Variants in SLC2A9 observed in about 807,000 individuals in gnomAD.
SLC2A9 encodes the protein solute carrier family 2 member 9, also known as solute carrier family 2, facilitated glucose transporter member 9.
SLC2A9 carries 39 observed loss-of-function variants against 50.6 expected under a neutral mutation model. That is an observed-to-expected ratio of 0.77 (90% CI 0.60 to 1.01). SLC2A9 has a LOEUF of 1.01. Ranked by LOEUF, SLC2A9 falls within the 50% of genes least tolerant of loss-of-function variation. SLC2A9 has a pLI of 0.00. For missense variants in SLC2A9, 686 were observed against 677.6 expected, an observed-to-expected ratio of 1.01 and a Z score of -0.14; for synonymous variants, 324 against 276.9, an observed-to-expected ratio of 1.17 and a Z score of -1.69.
intron 5 of SLC2A9, among the ~76,000 whole-genome samples, chr4:9,967,606 T>C (rs1218049598): frequency 6.6e-6 from 1 of 151,892 alleles, no homozygotes; most frequent in Admixed American, 6.5e-5. Context: ...ATTAAAAGGT[T>C]ATTAAAAGTT....
intron 5 of SLC2A9, among the ~76,000 whole-genome samples, chr4:9,946,428 A>G (rs574305354): frequency 6.6e-6 from 1 of 152,282 alleles, no homozygotes; most frequent in South Asian, 2.1e-4. Flanking sequence ...AAGTTCTTAT[A>G]AAGGATGTTC....
At chr4:9,809,671 C>A (rs1722620112) in intron 3 of SLC2A9, among the ~76,000 whole-genome samples, 1 of 152,154 alleles carries the variant, frequency 6.6e-6, no homozygotes, top group Non-Finnish European at 1.5e-5. Flanking sequence ...AGTTTCCTCA[C>A]TGGTTAAATA....
At chr4:10,002,012 AAGACATGGGG>A (rs1249956304) in intron 2 of SLC2A9, among the ~76,000 whole-genome samples, 1 of 152,236 alleles carries the variant, frequency 6.6e-6, no homozygotes, top group African/African-American at 2.4e-5. Context: ...TACTGGGGCT[AAGACATGGGG>A]CTGAGGAGGA....
At chr4:9,873,687 C>G (rs192118355) in intron 10 of SLC2A9, among the ~76,000 whole-genome samples, 26 of 152,258 alleles carry the variant, frequency 1.7e-4, no homozygotes, top group African/African-American at 6.3e-4. Context: ...AGATGACCTG[C>G]CAGCTGGATG....
chr4:9,783,168 C>A, intron 3 of SLC2A9: 1 of 1,614,232 alleles, frequency 6.2e-7, no homozygotes, highest in East Asian at 2.2e-5. Flanking sequence ...CACTTCTGCT[C>A]CCGCACGCCG....
chr4:9,792,163 CTTTTTTT>C (rs34289788), intron 3 of SLC2A9, among the ~76,000 whole-genome samples: 22 of 77,224 alleles, frequency 2.8e-4, no homozygotes, highest in Admixed American at 1.1e-3. Flanking sequence ...TTCTATGTTT[CTTTTTTT>C]TTTTTTTTTT....
intron 10 of SLC2A9, among the ~76,000 whole-genome samples, chr4:9,886,868 G>A (rs1164482555): frequency 6.6e-6 from 1 of 152,212 alleles, no homozygotes; most frequent in East Asian, 1.9e-4. Flanking sequence ...CAGTTGCATT[G>A]CATCCTTGTC....
At chr4:9,782,468 C>G (rs1269222427) in intron 3 of SLC2A9, 31 of 1,613,964 alleles carry the variant, frequency 1.9e-5, no homozygotes, top group Non-Finnish European at 2.4e-5. Flanking sequence ...CAGGCCCTTC[C>G]GCTACAAGCG....
chr4:9,862,946 A>G (rs1325219523), intron 10 of SLC2A9, among the ~76,000 whole-genome samples: 2 of 152,046 alleles, frequency 1.3e-5, no homozygotes, highest in Non-Finnish European at 2.9e-5. Flanking sequence ...GCTCTTGCCT[A>G]TCAACCTTGC....
chr4:9,834,848 C>A lies in SLC2A9; in HGVS notation c.1419+33G>T, dbSNP rs368113608. On this transcript the variant is annotated intron_variant, in intron 11 of 11. Transcript: ENST00000264784. ...TCAAGTGCTGCAGAATCAAAGGGAA[C>A]CCCATGGGCAAAAGACTCCTTGTCA... 9 of 1,614,018 alleles carry A rather than the reference C, an allele frequency of 5.6e-6. No individual in the cohort carries two copies. In the African/African-American group the frequency reaches 9.3e-5, roughly 17 times the overall value.
intron 3 of SLC2A9, chr4:9,783,133 G>C: frequency 6.2e-7 from 1 of 1,614,224 alleles, no homozygotes; most frequent in Non-Finnish European, 8.5e-7. Context: ...TTCAGAAGGT[G>C]TTTGCCCAGC....
intron 6 of SLC2A9, among the ~76,000 whole-genome samples, chr4:9,938,498 C>A (rs915145877): frequency 6.6e-6 from 1 of 152,078 alleles, no homozygotes; most frequent in Admixed American, 6.6e-5. Flanking sequence ...GTCTCGATCT[C>A]CTGACCTCAT....
At chr4:9,931,915 T>A (rs1322702954) in intron 6 of SLC2A9, among the ~76,000 whole-genome samples, 1 of 13,102 alleles carries the variant, frequency 7.6e-5, no homozygotes, top group Admixed American at 1.1e-3. Context: ...TGAGAATGAC[T>A]CTCTCTCTCT....
chr4:9,919,062 AG>A lies in SLC2A9; in HGVS notation c.1002+1322del, dbSNP rs1560302736. Reference sequence around the variant, plus strand: ...ATTCTGTTTAGAACTGATGGTTCTCAGTGTAAATGCCTCATTCACTACAGGT... The same window carrying A: ...ATTCTGTTTAGAACTGATGGTTCTCATGTAAATGCCTCATTCACTACAGGT... On this transcript the variant is annotated intron_variant, in intron 7 of 11. Coordinates refer to ENST00000264784, the MANE Select transcript of SLC2A9 (RefSeq NM_020041.3). Among the ~76,000 whole-genome samples the A allele has an allele frequency of 2.6e-5, 4 of 152,314 alleles. No homozygotes were observed. In the East Asian group the frequency reaches 7.7e-4, roughly 29 times the overall value.
intron 10 of SLC2A9, among the ~76,000 whole-genome samples, chr4:9,872,071 G>A (rs753724328): frequency 2.6e-5 from 4 of 152,188 alleles, no homozygotes; most frequent in Non-Finnish European, 5.9e-5. Context: ...CCAGGGACCC[G>A]GGTGGGGGAT....
At chr4:9,787,313 C>A (rs1231275920) in intron 3 of SLC2A9, among the ~76,000 whole-genome samples, 1 of 152,160 alleles carries the variant, frequency 6.6e-6, no homozygotes, top group Admixed American at 6.5e-5. Context: ...GGAGGAGTGC[C>A]AAAGAATTTG....
intron 9 of SLC2A9, among the ~76,000 whole-genome samples, chr4:9,889,151 T>C (rs181280151): frequency 6.6e-6 from 1 of 152,190 alleles, no homozygotes; most frequent in Admixed American, 6.5e-5. Context: ...TCACCCAGAC[T>C]TGGAAGCAAG....
intron 5 of SLC2A9, among the ~76,000 whole-genome samples, chr4:9,967,746 T>C (rs1283587240): frequency 6.6e-6 from 1 of 151,964 alleles, no homozygotes; most frequent in South Asian, 2.1e-4. Context: ...AAAATAACTT[T>C]ACATTAAAAA....
chr4:9,871,976 T>C (rs1256649855), intron 10 of SLC2A9, among the ~76,000 whole-genome samples: 1 of 152,166 alleles, frequency 6.6e-6, no homozygotes, highest in African/African-American at 2.4e-5. Context: ...TGGGCTGGGA[T>C]GGCTGCTGAG....
Sources: gnomAD v4.1 joint callset for allele counts (sites outside exome capture counted in the v4.1 genomes callset) on GRCh38, gnomAD v4.1.1 for gene constraint, MANE v1.5 for transcripts, NCBI Gene and HGNC (gene_info 2026-07-23, HGNC 2026-07-21) for gene names.